The following PSG7 variants were observed in gnomAD, a reference collection of about 807,000 sequenced individuals.
The protein encoded by PSG7 is pregnancy-specific beta-1-glycoprotein 7.
A neutral mutation model predicts 45.6 loss-of-function variants in PSG7; 57 were observed. The observed-to-expected ratio is 1.25, with a 90% CI of 1.01 to 1.56. The LOEUF (loss-of-function observed/expected upper bound fraction) is 1.56. Ranked by LOEUF, PSG7 falls within the 40% of genes most tolerant of loss-of-function variation. PSG7 has a pLI of 0.00. For synonymous variants in PSG7, 298 were observed against 194.4 expected, an observed-to-expected ratio of 1.53 and a Z score of -4.43; for missense variants, 796 against 508.4, an observed-to-expected ratio of 1.57 and a Z score of -5.44.
chr19:42,927,456 C>A (rs1972921148), intron 3 of PSG7: 1 of 152,026 alleles, frequency 6.6e-6, no homozygotes, highest in Non-Finnish European at 1.5e-5. Flanking sequence ...GTCCTGGGTT[C>A]TTTAAGTTTC....
intron 3 of PSG7, among the ~76,000 whole-genome samples, chr19:42,928,465 A>AT (rs1394912766): frequency 2.0e-5 from 3 of 151,556 alleles, no homozygotes; most frequent in Admixed American, 1.3e-4. Context: ...TGTTTCAGGA[A>AT]GGTTTGTAGT....
At chr19:42,926,125 C>T (rs1972881653) in intron 4 of PSG7, 98 bp from the exon 5 acceptor site, 2 of 1,527,378 alleles carry the variant, frequency 1.3e-6, no homozygotes, top group Non-Finnish European at 1.8e-6. Flanking sequence ...AGCCGAGACA[C>T]ACCCTCAAGT....
intron 2 of PSG7, among the ~76,000 whole-genome samples, chr19:42,933,543 C>T (rs1973079398): frequency 6.7e-6 from 1 of 149,544 alleles, no homozygotes; most frequent in Admixed American, 6.7e-5. Context: ...GTGATTTCTG[C>T]ACCTTTCCTA....
rs753608591 is a variant in PSG7 at position 42,929,689 on chromosome 19, G to C, written c.462C>G (p.Ser154Arg). 58 of 1,612,210 alleles carry C rather than the reference G, an allele frequency of 3.6e-5. 2 individuals are homozygous for C. The highest frequency in any genetic ancestry group is 5.5e-5 in the South Asian group (5 of 90,824). The change falls in exon 3 of 6, where the codon AGC (serine) becomes AGG (arginine). Residue 154 changes from serine (S) to arginine (R), a missense_variant. Ser to Arg is a moderately radical substitution (Grantham distance 110, BLOSUM62 -1). Coordinates refer to ENST00000406070, the MANE Select transcript of PSG7 (RefSeq NM_002783.3). Reference protein sequence around the residue: ...LETPKPSISSSNFNPREATEA... With the variant: ...LETPKPSISSRNFNPREATEA... ...CCGTGGCCTCCCTGGGGTTGAAATT[G>C]CTGCTGGAGATGGAGGGTTTGGGAG...
intron 3 of PSG7, chr19:42,929,173 T>C: frequency 1.3e-6 from 1 of 755,890 alleles, no homozygotes; most frequent in Non-Finnish European, 2.0e-6. Context: ...CCCGCTGTGT[T>C]CATGATCTGG....
intron 5 of PSG7, chr19:42,925,058 A>G (rs1972495715): frequency 5.5e-6 from 3 of 543,754 alleles, no homozygotes; most frequent in Non-Finnish European, 9.7e-6. Flanking sequence ...GCTCTCTTTT[A>G]AAATTTTCTT....
At position 42,932,060 on chromosome 19, in the gene PSG7, G is replaced by T. The variant is rs1406720511; in HGVS notation, c.431-2340C>A. Among the ~76,000 whole-genome samples the T allele has an allele frequency of 2.7e-5, 4 of 150,410 alleles. 1 individual carries two copies. Among genetic ancestry groups the T allele is most frequent in the Non-Finnish European group, 5.9e-5 (4 of 67,660 alleles). ...TTTTTCTGAGACAGAGTCTCTCTTTGTCACCCAGGCTGGAGTGCAGTGGCA... is the reference window on the plus strand; with the variant it reads ...TTTTTCTGAGACAGAGTCTCTCTTTTTCACCCAGGCTGGAGTGCAGTGGCA... On this transcript the variant is annotated intron_variant, in intron 2 of 5. Transcript: ENST00000406070.
chr19:42,929,024 G>T (rs1017723404), intron 3 of PSG7, among the ~76,000 whole-genome samples: 7 of 151,428 alleles, frequency 4.6e-5, no homozygotes, highest in African/African-American at 7.3e-5. Flanking sequence ...GGAAAAAATG[G>T]TGGGGGCATC....
chr19:42,932,224 C>T (rs1474274675), intron 2 of PSG7, among the ~76,000 whole-genome samples: 1 of 151,350 alleles, frequency 6.6e-6, no homozygotes, highest in Non-Finnish European at 1.5e-5. Context: ...GGGGTTTCAC[C>T]ATGTTAGCCA....
chr19:42,925,556 TG>T, intron 5 of PSG7: 1 of 1,213,798 alleles, frequency 8.2e-7, no homozygotes, highest in Non-Finnish European at 1.1e-6. Context: ...ATGTTTTTCC[TG>T]CTTGGTCTAG....
chr19:42,925,508 C>G, intron 5 of PSG7: 1 of 935,332 alleles, frequency 1.1e-6, no homozygotes, highest in South Asian at 2.3e-5. Flanking sequence ...ATCATAAAAA[C>G]ATTATCCTCA....
At chr19:42,929,081 G>A (rs556064212) in intron 3 of PSG7, 4 of 342,902 alleles carry the variant, frequency 1.2e-5, no homozygotes, top group African/African-American at 2.1e-5. Flanking sequence ...GATATTGTCA[G>A]AGGGAAGGTA....
intron 3 of PSG7, chr19:42,927,203 G>T (rs28409818): frequency 0.38 from 64,543 of 170,906 alleles, 14,111 homozygotes; most frequent in African/African-American, 0.56. Context: ...CAGATACTGA[G>T]CAGCCTGGCC....
rs1973163309 is a variant in PSG7, at chr19:42,936,894, A to T, written c.64+119T>A. ...GAACTCCTGATCTCTTGATCCACCCACCTCAGCCTCCCAAAGTGCTGGCTT... is the reference window on the plus strand; with the variant it reads ...GAACTCCTGATCTCTTGATCCACCCTCCTCAGCCTCCCAAAGTGCTGGCTT... On this transcript the variant is annotated intron_variant, in intron 1 of 5. Transcript: ENST00000406070. The T allele has an allele frequency of 4.8e-6, 7 of 1,447,720 alleles. No homozygotes were observed. In the Admixed American group the frequency reaches 5.3e-5, roughly 11 times the overall value. The allele number at this position is 1,447,720 out of a possible 1,614,324, so 89.7% of individuals were successfully genotyped here.
chr19:42,933,308 T>TATATATATATATATATATA (rs1555745220), intron 2 of PSG7, among the ~76,000 whole-genome samples: 8 of 11,806 alleles, frequency 6.8e-4, no homozygotes, highest in Admixed American at 1.4e-3. Flanking sequence ...TATATATATA[T>TATATATATATATATATATA]TTTTTTTTTT....
At chr19:42,926,377 G>T in intron 4 of PSG7, 61 bp downstream of exon 4, 1 of 1,599,052 alleles carries the variant, frequency 6.3e-7, no homozygotes, top group Non-Finnish European at 8.5e-7. Flanking sequence ...GCCTCTGGTC[G>T]TTTGGAGTTA....
rs765111858 is a variant in PSG7 at position 42,924,809 on chromosome 19, C to T, written c.1259G>A (p.Ter420=). 1 of 762,564 alleles carries T rather than the reference C, an allele frequency of 1.3e-6. No homozygotes were observed. The highest frequency in any genetic ancestry group is 2.4e-6 in the Non-Finnish European group (1 of 416,266). 47.2% of individuals were successfully genotyped at this position (762,564 alleles called of 1,614,324 possible). A position where few individuals can be genotyped will look rare whatever the true frequency, so the allele number is the denominator to read the frequency against. ...TVRVSDWTLP[*] ...TGGAATTGGAGGAACTAGTAGAATT[C>T]AGGGTAATGTCCAGTCTACAGTGGA... is the stretch of plus-strand genomic sequence containing the variant. Residue 420 remains the stop codon, a stop_retained_variant, in exon 6 of 6, where the codon TGA becomes TAA. Transcript: ENST00000406070.
chr19:42,933,295 A>ATTTTT lies in PSG7; in HGVS notation c.430+2108_430+2109insAAAAA, dbSNP rs1168854490. Among the ~76,000 whole-genome samples the ATTTTT allele has an allele frequency of 3.4e-4, 4 of 11,904 alleles. 1 individual carries two copies. Among genetic ancestry groups the ATTTTT allele is most frequent in the African/African-American group, 9.6e-4 (4 of 4,168 alleles). 7.8% of individuals were successfully genotyped at this position (11,904 alleles called of 152,430 possible). A position where few individuals can be genotyped will look rare whatever the true frequency, so the allele number is the denominator to read the frequency against. On this transcript the variant is annotated intron_variant, in intron 2 of 5. Transcript: ENST00000406070. The stretch of plus-strand genomic sequence containing the variant: ...TATATATATATATATATATATATAT[A>ATTTTT]TATATATATATATTTTTTTTTTTTT...
intron 1 of PSG7, chr19:42,936,617 T>A (rs1467146976): frequency 4.9e-6 from 1 of 205,126 alleles, no homozygotes; most frequent in Non-Finnish European, 9.7e-6. Flanking sequence ...CTATCCAGGC[T>A]CCAACAGAGC....
Sources: gnomAD v4.1 joint callset for allele counts (sites outside exome capture counted in the v4.1 genomes callset) on GRCh38, gnomAD v4.1.1 for gene constraint, MANE v1.5 for transcripts, NCBI Gene and HGNC (gene_info 2026-07-23, HGNC 2026-07-21) for gene names.